ATP7A: variants seen among roughly 807,000 people sequenced by gnomAD.
ATP7A encodes copper-transporting ATPase 1.
In ATP7A, 7 loss-of-function variants were observed where a neutral mutation model predicts 83.5. That is an observed-to-expected ratio of 0.08 (90% confidence interval 0.05 to 0.16). ATP7A has a LOEUF of 0.16. Ranked by LOEUF, ATP7A falls within the 10% of genes least tolerant of loss-of-function variation. The probability of loss-of-function intolerance (pLI) is 1.00; values close to 1 mark genes in which losing one functional copy is unlikely to be tolerated. For synonymous variants in ATP7A, 354 were observed against 395.2 expected (o/e 0.90, Z 1.24); for missense variants, 940 against 1,120.8 (o/e 0.84, Z 2.30).
intron 4 of ATP7A, among the ~76,000 whole-genome samples, chrX:77,997,405 G>T (rs1280368914): frequency 8.9e-6 from 1 of 112,059 alleles, no homozygotes; most frequent in Admixed American, 9.5e-5. Flanking sequence ...TAGGGAAGTG[G>T]TCAGGCTTTT....
At chrX:77,992,760 C>T (rs1414151390) in intron 4 of ATP7A, among the ~76,000 whole-genome samples, 3 of 110,577 alleles carry the variant, frequency 2.7e-5, no homozygotes, top group South Asian at 3.8e-4. Context: ...TACAGGTGCA[C>T]GCCACCATGC....
intron 1 of ATP7A, among the ~76,000 whole-genome samples, chrX:77,953,157 C>T (rs782778284): frequency 2.9e-4 from 32 of 111,856 alleles, no homozygotes; most frequent in Non-Finnish European, 4.7e-4. Context: ...TTAATGTTTT[C>T]GCATTTGTTG....
intron 1 of ATP7A, among the ~76,000 whole-genome samples, chrX:77,944,184 CTAGTT>C (rs1471248477): frequency 1.8e-5 from 2 of 112,230 alleles, no homozygotes; most frequent in Non-Finnish European, 1.9e-5. Context: ...GTGTTTTTAA[CTAGTT>C]TAGTTGAACA....
chrX:77,988,778 T>G, intron 3 of ATP7A, 47 bp downstream of exon 3: 2 of 1,206,397 alleles, frequency 1.7e-6, no homozygotes, highest in Non-Finnish European at 1.1e-6. Flanking sequence ...GGTGTCTGTT[T>G]TGATCTTTTA....
chrX:77,968,139 G>A (rs1286901693), intron 1 of ATP7A, among the ~76,000 whole-genome samples: 1 of 109,783 alleles, frequency 9.1e-6, no homozygotes, highest in Non-Finnish European at 1.9e-5. Context: ...AGGCAGGAAG[G>A]GATTCTAATA....
chrX:77,946,238 C>T (rs781843157), intron 1 of ATP7A, among the ~76,000 whole-genome samples: 2 of 106,270 alleles, frequency 1.9e-5, no homozygotes, highest in East Asian at 3.0e-4. Context: ...GGAGGCAGAT[C>T]GCAGTGAGCC....
intron 1 of ATP7A, among the ~76,000 whole-genome samples, chrX:77,958,166 T>G (rs1011135982): frequency 9.0e-6 from 1 of 111,279 alleles, no homozygotes; most frequent in Non-Finnish European, 1.9e-5. Context: ...CCTGTCTCTC[T>G]TGCTCATTCT....
intron 1 of ATP7A, among the ~76,000 whole-genome samples, chrX:77,950,889 G>A (rs1557226744): frequency 3.6e-5 from 4 of 109,929 alleles, no homozygotes; most frequent in Non-Finnish European, 7.6e-5. Context: ...CGGTGTGGAG[G>A]CGCATACATA....
intron 1 of ATP7A, among the ~76,000 whole-genome samples, chrX:77,930,671 A>G (rs782544727): frequency 2.1e-4 from 23 of 111,790 alleles, no homozygotes; most frequent in Non-Finnish European, 1.5e-4. Flanking sequence ...TACTTAACCT[A>G]TTTGTTCCTC....
chrX:77,972,702 A>G lies in ATP7A; in HGVS notation c.120+941A>G, dbSNP rs147642975. 7.1e-3 allele frequency among the ~76,000 whole-genome samples: 779 copies of G among 110,334 alleles called. 9 individuals carry two copies. Among genetic ancestry groups the G allele is most frequent in the African/African-American group, 0.025 (749 of 30,326 alleles). On this transcript the variant is annotated intron_variant, in intron 2 of 22. Transcript: ENST00000341514. ...TTTTTGTAGCGATGGGGGTCTCACT[A>G]TGTTGTCCAGGCTGATCTCAAACTC...
At chrX:77,931,990 C>A (rs1272904884) in intron 1 of ATP7A, among the ~76,000 whole-genome samples, 1 of 101,613 alleles carries the variant, frequency 9.8e-6, no homozygotes, top group Non-Finnish European at 2.0e-5. Context: ...GCTGGCTGAG[C>A]GGGGGGCTGA....
Position 77,935,735 on chromosome X carries a change from C to T in ATP7A, c.-22+24900C>T, listed in dbSNP as rs981170344. Among the ~76,000 whole-genome samples the T allele has an allele frequency of 2.7e-5, 3 of 111,926 alleles. No homozygotes were observed. The South Asian group carries it at 1.1e-3, about 41-fold the overall frequency. On this transcript the variant is annotated intron_variant, in intron 1 of 22. Coordinates refer to ENST00000341514, the MANE Select transcript of ATP7A (RefSeq NM_000052.7). ...AAGATTCTTTAGCACAAAGCCAGAGCCAGGATTTGACACCAGGCCAGTTGA... is the reference window on the plus strand; with the variant it reads ...AAGATTCTTTAGCACAAAGCCAGAGTCAGGATTTGACACCAGGCCAGTTGA...
chrX:77,926,128 T>G (rs2077240059), intron 1 of ATP7A, among the ~76,000 whole-genome samples: 1 of 111,014 alleles, frequency 9.0e-6, no homozygotes, highest in Non-Finnish European at 1.9e-5. Flanking sequence ...GTATCTTTCA[T>G]TGAGTATCAT....
rs546733957 is a variant in ATP7A, at chrX:77,954,186, C to T, written c.-21-17435C>T. Among the ~76,000 whole-genome samples the T allele has an allele frequency of 3.6e-5, 4 of 111,837 alleles. No individual in the cohort carries two copies. In the South Asian group the frequency reaches 1.5e-3, roughly 42 times the overall value. ...ATGGAGTCTCACTCTGTCACCCAGG[C>T]TGGGGTGCAGTGGCGTGATTTCAGC... On this transcript the variant is annotated intron_variant, in intron 1 of 22. Coordinates refer to ENST00000341514, the MANE Select transcript of ATP7A (RefSeq NM_000052.7).
At chrX:77,956,172 C>T (rs1185930772) in intron 1 of ATP7A, among the ~76,000 whole-genome samples, 1 of 111,712 alleles carries the variant, frequency 9.0e-6, no homozygotes, top group Non-Finnish European at 1.9e-5. Flanking sequence ...AGTGGGATTG[C>T]TGGATCATAT....
chrX:77,985,469 T>G (rs782277238), intron 2 of ATP7A, among the ~76,000 whole-genome samples: 30 of 110,808 alleles, frequency 2.7e-4, no homozygotes, highest in Non-Finnish European at 5.1e-4. Context: ...ATCCTTTACG[T>G]TGGTACTTTA....
intron 2 of ATP7A, among the ~76,000 whole-genome samples, chrX:77,978,075 G>T (rs1404552904): frequency 1.8e-5 from 2 of 110,829 alleles, no homozygotes; most frequent in African/African-American, 6.6e-5. Flanking sequence ...ATGTGTTTTT[G>T]TACAATTTGA....
chrX:78,043,252 C>G, intron 20 of ATP7A, 65 bp from the exon 21 acceptor site: 1 of 773,211 alleles, frequency 1.3e-6, no homozygotes, highest in Non-Finnish European at 2.0e-6. Flanking sequence ...TACACAGTAT[C>G]AAATGTAAAA....
At chrX:77,989,195 G>A (rs941862254) in intron 3 of ATP7A, 38 bp from the exon 4 acceptor site, 30 of 1,169,935 alleles carry the variant, frequency 2.6e-5, no homozygotes, top group Non-Finnish European at 3.1e-5. Flanking sequence ...AGTAGCCCAG[G>A]AATAACTGAA....
Sources: allele counts gnomAD v4.1 joint callset (sites outside exome capture counted in the v4.1 genomes callset), GRCh38; gene constraint gnomAD v4.1.1; transcripts MANE v1.5; gene names NCBI Gene and HGNC (gene_info 2026-07-23, HGNC 2026-07-21).